The following TMEM62 variants were observed in gnomAD, a reference collection of about 807,000 sequenced individuals.
TMEM62 encodes the protein transmembrane protein 62.
In TMEM62, 41 loss-of-function variants were observed where a neutral mutation model predicts 70.4. The ratio of observed to expected loss-of-function variants is 0.58; its 90% CI spans 0.45 to 0.76. TMEM62 has a LOEUF of 0.76. Ranked by LOEUF, TMEM62 falls within the 30% of genes least tolerant of loss-of-function variation. The probability of loss-of-function intolerance (pLI) is 0.00; values close to 1 mark genes in which losing one functional copy is unlikely to be tolerated. For synonymous variants in TMEM62, 268 were observed against 291.0 expected, an observed-to-expected ratio of 0.92 and a Z score of 0.80; for missense variants, 688 against 788.5, an observed-to-expected ratio of 0.87 and a Z score of 1.53.
intron 4 of TMEM62, among the ~76,000 whole-genome samples, chr15:43,145,700 T>A (rs2036586818): frequency 6.6e-6 from 1 of 152,258 alleles, no homozygotes. Flanking sequence ...TTTTTAAATA[T>A]ATGCTGTTAG....
intron 2 of TMEM62, among the ~76,000 whole-genome samples, chr15:43,134,992 G>A (rs140547085): frequency 1.1e-4 from 16 of 152,250 alleles, no homozygotes; most frequent in Non-Finnish European, 2.2e-4. Context: ...AAGGGTATCA[G>A]TTCTGATTTA....
intron 10 of TMEM62, among the ~76,000 whole-genome samples, chr15:43,162,433 C>CTTTTTTTTTTTT (rs1169921008): frequency 2.2e-4 from 30 of 137,004 alleles, no homozygotes; most frequent in African/African-American, 8.3e-4. Flanking sequence ...GCCCCTGGCC[C>CTTTTTTTTTTTT]TTTTTTTTTT....
intron 7 of TMEM62, 67 bp downstream of exon 7, chr15:43,149,218 T>C: frequency 3.9e-6 from 6 of 1,535,510 alleles, no homozygotes; most frequent in Non-Finnish European, 5.4e-6. Flanking sequence ...GATAGTTTTC[T>C]TACTGATATC....
At chr15:43,135,465 C>T (rs1209121709) in intron 2 of TMEM62, 47 bp from the exon 3 acceptor site, 2 of 1,550,452 alleles carry the variant, frequency 1.3e-6, no homozygotes, top group Non-Finnish European at 1.7e-6. Context: ...ATGGAACCCC[C>T]AGTAGTTTAT....
intron 9 of TMEM62, among the ~76,000 whole-genome samples, chr15:43,159,388 C>T (rs1323947659): frequency 2.0e-5 from 3 of 152,132 alleles, no homozygotes; most frequent in Non-Finnish European, 4.4e-5. Context: ...TCCCAATGCC[C>T]CCTTACTACC....
intron 4 of TMEM62, among the ~76,000 whole-genome samples, chr15:43,145,447 C>T (rs1459266846): frequency 3.9e-5 from 6 of 151,980 alleles, no homozygotes; most frequent in South Asian, 2.1e-4. Flanking sequence ...CCTCGTGATC[C>T]GCCTACCTCG....
At chr15:43,137,259 C>G (rs2035357187) in intron 3 of TMEM62, among the ~76,000 whole-genome samples, 1 of 152,188 alleles carries the variant, frequency 6.6e-6, no homozygotes, top group African/African-American at 2.4e-5. Context: ...ATCAGTAGAT[C>G]AGGCATGAAT....
Position 43,184,802 on chromosome 15 carries a change from C to G in TMEM62, c.*216C>G. On this transcript the variant is annotated 3_prime_UTR_variant, in exon 14 of 14. Transcript: ENST00000260403. ...CTCAAAAATAATGCCTTTATTCCTT[C>G]CCTCCCTAAGGAGGCAAAGAGTTGA... 1.7e-6 allele frequency: 1 copy of G among 578,150 alleles called. No individual in the cohort carries two copies. The highest frequency in any genetic ancestry group is 2.3e-5 in the South Asian group (1 of 43,576). The allele number at this position is 578,150 out of a possible 1,614,324, so 35.8% of individuals were successfully genotyped here. A position where few individuals can be genotyped will look rare whatever the true frequency, so the allele number is the denominator to read the frequency against.
rs1481592651 is a variant in TMEM62 at position 43,133,916 on chromosome 15, C to A, written c.114C>A (p.Pro38=). The A allele has an allele frequency of 4.0e-6, 6 of 1,495,514 alleles. No homozygotes were observed. In the East Asian group the frequency reaches 8.0e-5, roughly 20 times the overall value. The allele number at this position is 1,495,514 out of a possible 1,614,324, so 92.6% of individuals were successfully genotyped here. The change falls in exon 1 of 14, where the codon CCC becomes CCA. Residue 38 remains proline (P), a synonymous_variant. Coordinates refer to ENST00000260403, the MANE Select transcript of TMEM62 (RefSeq NM_024956.4). ...GCCAGCCCTCGCCGCTGCCGCGCCC[C>A]GCGCCCCCCAGGAGGCCGCACCCTG... ...LAGQPSPLPR[P]APPRRPHPAP... is the part of the protein sequence containing the mutation.
chr15:43,173,271 G>C (rs981700105), intron 11 of TMEM62, among the ~76,000 whole-genome samples: 14 of 152,202 alleles, frequency 9.2e-5, no homozygotes, highest in African/African-American at 3.1e-4. Context: ...TGCCATGTCA[G>C]TATCACCTCT....
At chr15:43,138,704 T>C in intron 4 of TMEM62, 85 bp downstream of exon 4, 1 of 1,181,332 alleles carries the variant, frequency 8.5e-7, no homozygotes, top group Non-Finnish European at 1.2e-6. Context: ...GAGAGAAAAC[T>C]TTAAAAAAAC....
chr15:43,134,240 A>G lies in TMEM62; in HGVS notation c.181-17A>G. ...TTCCTGGCTCAGATCTCTCTGTTCA[A>G]TACCTGTTTTCGGCAGATATCCGAC... On this transcript the variant is annotated splice_polypyrimidine_tract_variant and intron_variant, in intron 1 of 13. Coordinates refer to ENST00000260403, the MANE Select transcript of TMEM62 (RefSeq NM_024956.4). 3 of 1,611,460 alleles carry G rather than the reference A, an allele frequency of 1.9e-6. No individual in the cohort carries two copies. The highest frequency in any genetic ancestry group is 1.3e-5 in the African/African-American group (1 of 74,962).
chr15:43,150,794 T>C (rs1031896529), intron 7 of TMEM62, among the ~76,000 whole-genome samples: 2 of 152,212 alleles, frequency 1.3e-5, no homozygotes, highest in Admixed American at 1.3e-4. Context: ...AGGCATGATA[T>C]GTGTCACTTC....
In TMEM62 at chr15:43,135,509, C is replaced by T. The variant is rs1248430718; in HGVS notation, c.293-3C>T. On this transcript the variant is annotated splice_polypyrimidine_tract_variant and splice_region_variant and intron_variant, in intron 2 of 13. Coordinates refer to ENST00000260403, the MANE Select transcript of TMEM62 (RefSeq NM_024956.4). ...GTGATTCAATTCTTGTGTAAACCTA[C>T]AGGAGACCTGACAGATGCCAAAACA... 3.1e-6 allele frequency: 5 copies of T among 1,587,698 alleles called. No homozygotes were observed. In the East Asian group the frequency reaches 9.0e-5, roughly 28 times the overall value.
Position 43,133,919 on chromosome 15 carries a change from GC to G in TMEM62, c.123del (p.Arg42GlyfsTer25). 4.0e-6 allele frequency: 6 copies of G among 1,492,032 alleles called. No individual in the cohort carries two copies. Among genetic ancestry groups the G allele is most frequent in the Admixed American group, 2.2e-5 (1 of 45,438 alleles). 92.4% of individuals were successfully genotyped at this position (1,492,032 alleles called of 1,614,324 possible). Reference sequence around the variant, plus strand: ...AGCCCTCGCCGCTGCCGCGCCCCGCGCCCCCCAGGAGGCCGCACCCTGCGCC... The same window carrying G: ...AGCCCTCGCCGCTGCCGCGCCCCGCGCCCCCAGGAGGCCGCACCCTGCGCC... Reference protein sequence around the residue: ...GQPSPLPRPAPPRRPHPAPGP... With the variant: ...GQPSPLPRPAXPRRPHPAPGP... On this transcript the variant is annotated frameshift_variant, in exon 1 of 14. Coordinates refer to ENST00000260403, the MANE Select transcript of TMEM62 (RefSeq NM_024956.4). LOFTEE classifies it high-confidence loss of function.
At chr15:43,138,087 A>G (rs573423293) in intron 3 of TMEM62, among the ~76,000 whole-genome samples, 1 of 152,316 alleles carries the variant, frequency 6.6e-6, no homozygotes, top group East Asian at 1.9e-4. Context: ...CTTGGGACCT[A>G]AGTCCATCCC....
In TMEM62 at chr15:43,184,701, C is replaced by A; in HGVS notation, c.*115C>A. The stretch of plus-strand genomic sequence containing the variant: ...GGATTGGTGGGTGAGCTTTAGGGAG[C>A]AGCTGCTCGTTTGGAGTCCTGGACG... On this transcript the variant is annotated 3_prime_UTR_variant, in exon 14 of 14. Transcript: ENST00000260403. 1.1e-6 allele frequency: 1 copy of A among 902,420 alleles called. No homozygotes were observed. Among genetic ancestry groups the A allele is most frequent in the Non-Finnish European group, 1.7e-6 (1 of 600,210 alleles). The allele number at this position is 902,420 out of a possible 1,614,324, so 55.9% of individuals were successfully genotyped here.
At chr15:43,138,666 T>C (rs758555371) in intron 4 of TMEM62, 47 bp downstream of exon 4, 7 of 1,437,986 alleles carry the variant, frequency 4.9e-6, no homozygotes, top group Non-Finnish European at 1.9e-6. Flanking sequence ...GTCAGTGTTA[T>C]AAGGAGGGTG....
chr15:43,151,230 G>T (rs2037330461), intron 7 of TMEM62, among the ~76,000 whole-genome samples: 1 of 151,546 alleles, frequency 6.6e-6, no homozygotes, highest in South Asian at 2.1e-4. Flanking sequence ...CCAGCTACTT[G>T]GGAGGCTGAG....
Sources: gnomAD v4.1 joint callset for allele counts (sites outside exome capture counted in the v4.1 genomes callset) on GRCh38, gnomAD v4.1.1 for gene constraint, MANE v1.5 for transcripts, NCBI Gene and HGNC (gene_info 2026-07-23, HGNC 2026-07-21) for gene names.